The following KANSL1 variants were observed in gnomAD, a reference collection of about 807,000 sequenced individuals.
The protein encoded by KANSL1 is MLL1/MLL complex subunit KANSL1.
A neutral mutation model predicts 103.6 loss-of-function variants in KANSL1; 22 were observed. The ratio of observed to expected loss-of-function variants is 0.21; its 90% confidence interval spans 0.15 to 0.30. The LOEUF (loss-of-function observed/expected upper bound fraction) is 0.30. Ranked by LOEUF, KANSL1 falls within the 10% of genes least tolerant of loss-of-function variation. The probability of loss-of-function intolerance (pLI) is 1.00; values close to 1 mark genes in which losing one functional copy is unlikely to be tolerated. For missense variants in KANSL1, 1,337 were observed against 1,399.8 expected, an observed-to-expected ratio of 0.96 and a Z score of 0.72; for synonymous variants, 600 against 527.6, an observed-to-expected ratio of 1.14 and a Z score of -1.88.
At chr17:46,217,715 C>T (rs1206798874) in intron 1 of KANSL1, among the ~76,000 whole-genome samples, 1 of 152,014 alleles carries the variant, frequency 6.6e-6, no homozygotes, top group Admixed American at 6.5e-5. Context: ...AAGGTGCAGC[C>T]CTGTCTCTAC....
chr17:46,031,388 G>T lies in KANSL1; in HGVS notation c.*88C>A. ...TTCACTAAAAACTGTGAAAATTTCC[G>T]GCATATGATGTTTGAATATCAAACG... On this transcript the variant is annotated 3_prime_UTR_variant, in exon 15 of 15. Coordinates refer to ENST00000432791, the MANE Select transcript of KANSL1 (RefSeq NM_015443.4). The T allele has an allele frequency of 8.3e-7, 1 of 1,211,082 alleles. No homozygotes were observed. The allele number at this position is 1,211,082 out of a possible 1,614,324, so 75.0% of individuals were successfully genotyped here. A position where few individuals can be genotyped will look rare whatever the true frequency, so the allele number is the denominator to read the frequency against.
chr17:46,077,632 A>T lies in KANSL1; in HGVS notation c.1533+4809T>A, dbSNP rs574873929. Reference sequence around the variant, plus strand: ...CAGTGCAGTGCCATGATCTCGGCTCACTGCAACCTCTGTCTCCTGAGTTCA... The same window carrying T: ...CAGTGCAGTGCCATGATCTCGGCTCTCTGCAACCTCTGTCTCCTGAGTTCA... On this transcript the variant is annotated intron_variant, in intron 4 of 14. Transcript: ENST00000432791. 5.3e-5 allele frequency among the ~76,000 whole-genome samples: 8 copies of T among 152,232 alleles called. 1 individual carries two copies. The South Asian group carries it at 1.7e-3, about 32-fold the overall frequency.
intron 11 of KANSL1, 109 bp from the exon 12 acceptor site, chr17:46,033,569 C>A (rs1428946898): frequency 3.4e-6 from 3 of 879,440 alleles, no homozygotes; most frequent in Admixed American, 3.8e-5. Context: ...GGTGACACTG[C>A]TCTCTGCCGG....
chr17:46,059,840 G>A (rs2078094316), intron 6 of KANSL1, among the ~76,000 whole-genome samples: 1 of 151,928 alleles, frequency 6.6e-6, no homozygotes, highest in Non-Finnish European at 1.5e-5. Context: ...TCAGCCACCT[G>A]TGTAGCTGCC....
At chr17:46,113,005 G>C (rs554925942) in intron 2 of KANSL1, among the ~76,000 whole-genome samples, 5 of 152,312 alleles carry the variant, frequency 3.3e-5, no homozygotes, top group Non-Finnish European at 5.9e-5. Flanking sequence ...ACAGGCGTGA[G>C]CCACCAGGCC....
intron 2 of KANSL1, among the ~76,000 whole-genome samples, chr17:46,146,226 T>C (rs2044692062): frequency 6.6e-6 from 1 of 152,228 alleles, no homozygotes; most frequent in Non-Finnish European, 1.5e-5. Context: ...CCACCTCATA[T>C]TTGAATAGAC....
intron 1 of KANSL1, among the ~76,000 whole-genome samples, chr17:46,187,618 T>C (rs1053851365): frequency 6.6e-5 from 10 of 152,234 alleles, no homozygotes; most frequent in African/African-American, 2.4e-4. Context: ...AGCTAAATAA[T>C]TTCCTGGTAG....
chr17:46,071,291 T>A (rs1042274970), intron 4 of KANSL1, among the ~76,000 whole-genome samples: 1 of 152,002 alleles, frequency 6.6e-6, no homozygotes, highest in Admixed American at 6.6e-5. Context: ...TGGCCTGCAT[T>A]CCCAGCCACA....
At chr17:46,081,584 C>T (rs1328257290) in intron 4 of KANSL1, among the ~76,000 whole-genome samples, 1 of 152,210 alleles carries the variant, frequency 6.6e-6, no homozygotes, top group Non-Finnish European at 1.5e-5. Flanking sequence ...ATCTAAACAT[C>T]TCCAATATCT....
chr17:46,091,364 T>C (rs2079380472), intron 3 of KANSL1, among the ~76,000 whole-genome samples: 1 of 152,210 alleles, frequency 6.6e-6, no homozygotes, highest in African/African-American at 2.4e-5. Context: ...TTTTAAAAAC[T>C]TAAAAGTTTA....
chr17:46,047,310 G>C (rs910408020), intron 7 of KANSL1, among the ~76,000 whole-genome samples: 1 of 152,204 alleles, frequency 6.6e-6, no homozygotes, highest in Non-Finnish European at 1.5e-5. Flanking sequence ...TTCTCTCTAG[G>C]ACAAGGGTTA....
intron 2 of KANSL1, among the ~76,000 whole-genome samples, chr17:46,125,548 A>G (rs558121188): frequency 6.6e-6 from 1 of 152,314 alleles, no homozygotes; most frequent in East Asian, 1.9e-4. Flanking sequence ...CTGTCCATAT[A>G]GGGGGTACCA....
rs745588496 is a variant in KANSL1, at chr17:46,171,570, C to T, written c.574G>A (p.Glu192Lys). The T allele has an allele frequency of 6.2e-6, 10 of 1,607,400 alleles. No individual in the cohort carries two copies. The South Asian group carries it at 1.1e-4, about 18-fold the overall frequency. ...TCCCCAGATTCAGATCCTCCCATTT[C>T]ACCCCCATGAAGAGCAGATGAAGTG... ...ALTSSALHGGEMGGSESGDLK... is the reference protein window; with the variant it reads ...ALTSSALHGGKMGGSESGDLK... Residue 192 changes from glutamate (E) to lysine (K), a missense_variant, in exon 2 of 15, where the codon GAA (glutamate) becomes AAA (lysine). Physicochemically the swap from Glu to Lys is moderately conservative, Grantham distance 56. Transcript: ENST00000432791.
intron 1 of KANSL1, among the ~76,000 whole-genome samples, chr17:46,211,249 G>T (rs913851681): frequency 7.6e-6 from 1 of 131,868 alleles, no homozygotes; most frequent in African/African-American, 2.6e-5. Context: ...AAAAAAAAGG[G>T]AGGGAGGGAG....
chr17:46,204,578 A>T (rs2047904180), intron 1 of KANSL1, among the ~76,000 whole-genome samples: 1 of 152,264 alleles, frequency 6.6e-6, no homozygotes, highest in Admixed American at 6.5e-5. Flanking sequence ...TCCAAGATGA[A>T]GCCAAGAACA....
intron 10 of KANSL1, among the ~76,000 whole-genome samples, chr17:46,036,331 T>C (rs747478371): frequency 3.3e-5 from 5 of 152,316 alleles, no homozygotes; most frequent in Non-Finnish European, 5.9e-5. Context: ...TCCCTACCTT[T>C]CTCCAGTGTC....
At chr17:46,199,843 C>A (rs2047735347) in intron 1 of KANSL1, among the ~76,000 whole-genome samples, 1 of 152,220 alleles carries the variant, frequency 6.6e-6, no homozygotes, top group African/African-American at 2.4e-5. Flanking sequence ...TAAAGCTCAG[C>A]TGAATACAAT....
In KANSL1 at chr17:46,111,058, T is replaced by G. The variant is rs963605448; in HGVS notation, c.1290-16357A>C. 2.0e-5 allele frequency among the ~76,000 whole-genome samples: 3 copies of G among 152,334 alleles called. No homozygotes were observed. The South Asian group carries it at 6.2e-4, about 32-fold the overall frequency. On this transcript the variant is annotated intron_variant, in intron 2 of 14. Transcript: ENST00000432791. Reference sequence around the variant, plus strand: ...TGATAACTACCTATCATAATTGTAGTTTTTTTCCCTTAAATTATTAAGTTG... The same window carrying G: ...TGATAACTACCTATCATAATTGTAGGTTTTTTCCCTTAAATTATTAAGTTG...
chr17:46,176,429 G>A (rs1377575307), intron 1 of KANSL1, among the ~76,000 whole-genome samples: 7 of 152,162 alleles, frequency 4.6e-5, no homozygotes, highest in African/African-American at 9.7e-5. Flanking sequence ...AGTGGCTCAC[G>A]CCTGTAATCC....
Sources: allele counts gnomAD v4.1 joint callset (sites outside exome capture counted in the v4.1 genomes callset), GRCh38; gene constraint gnomAD v4.1.1; transcripts MANE v1.5; gene names NCBI Gene and HGNC (gene_info 2026-07-23, HGNC 2026-07-21).